Variants in TTLL8 observed in about 807,000 individuals in gnomAD.
The protein encoded by TTLL8 is protein monoglycylase TTLL8.
A neutral mutation model predicts 77.8 loss-of-function variants in TTLL8; 65 were observed. That is an observed-to-expected ratio of 0.84 (90% CI 0.68 to 1.03). TTLL8 has a LOEUF of 1.03. Among genes scored for constraint, TTLL8 ranks in the 50% least tolerant of loss-of-function variants. TTLL8 has a pLI of 0.00. For missense variants in TTLL8, 910 were observed against 1,004.5 expected, an observed-to-expected ratio of 0.91 and a Z score of 1.27; for synonymous variants, 402 against 422.8, an observed-to-expected ratio of 0.95 and a Z score of 0.60.
chr22:50,020,430 G>A (rs1192521766), intron 12 of TTLL8, among the ~76,000 whole-genome samples: 1 of 145,446 alleles, frequency 6.9e-6, no homozygotes, highest in Non-Finnish European at 1.5e-5. Context: ...CATCTGACGT[G>A]CACTACTCCA....
chr22:50,057,533 TGA>T (rs1569237198), upstream of TTLL8, among the ~76,000 whole-genome samples: 15 of 77,298 alleles, frequency 1.9e-4, 1 homozygote, highest in African/African-American at 5.0e-4. Context: ...AGGTCTGGGT[TGA>T]GCGGGAGGTC....
intron 6 of TTLL8, among the ~76,000 whole-genome samples, chr22:50,042,843 G>A (rs2061380242): frequency 6.6e-6 from 1 of 152,216 alleles, no homozygotes; most frequent in East Asian, 1.9e-4. Flanking sequence ...CACATCAGAC[G>A]CTGGCGAGGA....
chr22:50,030,408 C>A, intron 12 of TTLL8, 22 bp downstream of exon 13: 1 of 1,299,900 alleles, frequency 7.7e-7, no homozygotes, highest in Admixed American at 2.2e-5. Context: ...GCCCACAGCG[C>A]ACCGCCGGCG....
chr22:50,027,041 C>T (rs979627159), intron 12 of TTLL8, among the ~76,000 whole-genome samples: 2 of 151,886 alleles, frequency 1.3e-5, no homozygotes, highest in Non-Finnish European at 2.9e-5. Context: ...CGAGATTAGC[C>T]TGACCAATAT....
upstream of TTLL8, chr22:50,056,967 C>A (rs1334054365): frequency 1.6e-6 from 2 of 1,289,672 alleles, no homozygotes; most frequent in Admixed American, 4.6e-5. The surrounding 1 kb of genome is among the most constrained non-coding windows in gnomAD (Gnocchi z 4.1). Context: ...CTTTGCTCCT[C>A]TGACCCCTAG....
chr22:50,048,138 G>C (rs1273230845), intron 3 of TTLL8, among the ~76,000 whole-genome samples: 1 of 151,652 alleles, frequency 6.6e-6, no homozygotes, highest in African/African-American at 2.4e-5. Flanking sequence ...GTGTGTGTGT[G>C]TGTGTGTAAA....
rs142620839 is a variant in TTLL8 at position 50,032,187 on chromosome 22, C to T, written c.1284-78G>A. On this transcript the variant is annotated intron_variant, in intron 10 of 13. Coordinates refer to ENST00000266182, the Ensembl canonical transcript of TTLL8. ...CCCAAGGCCGGTCCTCCCAGCCGTG[C>T]TGAGCCCACCCAGCTGGCTCTAGAG... 2.6e-3 allele frequency: 3,324 copies of T among 1,272,300 alleles called. 51 individuals are homozygous for T. The highest frequency in any genetic ancestry group is 0.021 in the South Asian group (1,568 of 75,526). The allele number at this position is 1,272,300 out of a possible 1,614,324, so 78.8% of individuals were successfully genotyped here.
chr22:50,045,433 CTGGGG>C, intron 5 of TTLL8, 44 bp from the exon 8 acceptor site: 1 of 1,355,006 alleles, frequency 7.4e-7, no homozygotes, highest in African/African-American at 1.5e-5. Context: ...CGAGCCAGGA[CTGGGG>C]ACTGGAGATG....
chr22:50,052,550 T>C (rs925033552), intron 1 of TTLL8, among the ~76,000 whole-genome samples: 3 of 151,962 alleles, frequency 2.0e-5, no homozygotes, highest in Admixed American at 2.0e-4. Context: ...TATAGATAAA[T>C]ACACTAAATG....
At position 50,034,269 on chromosome 22, in the gene TTLL8, C is replaced by T; in HGVS notation, c.1039+76G>A. ...TCCCTGTGGTGCTGTGGGCCTGAAA[C>T]TGTCCCTCACTCACGGCTCCTGGCA... On this transcript the variant is annotated intron_variant, in intron 9 of 13. Coordinates refer to ENST00000266182, the Ensembl canonical transcript of TTLL8. This position sits in a 1 kb window ranked among gnomAD's most constrained non-coding sequence, Gnocchi z 4.1. The T allele has an allele frequency of 3.1e-6, 4 of 1,282,400 alleles. No individual in the cohort carries two copies. Among genetic ancestry groups the T allele is most frequent in the Non-Finnish European group, 4.1e-6 (4 of 980,848 alleles). The allele number at this position is 1,282,400 out of a possible 1,614,324, so 79.4% of individuals were successfully genotyped here.
At chr22:50,045,630 C>T (rs920769356) in intron 5 of TTLL8, among the ~76,000 whole-genome samples, 2 of 152,192 alleles carry the variant, frequency 1.3e-5, no homozygotes, top group South Asian at 2.1e-4. Context: ...CCCAGCTGCT[C>T]GCCGCGCTGT....
At chr22:50,021,615 T>C (rs1435871360) in intron 12 of TTLL8, among the ~76,000 whole-genome samples, 2 of 146,602 alleles carry the variant, frequency 1.4e-5, no homozygotes, top group African/African-American at 5.2e-5. Flanking sequence ...CGACGTGCAC[T>C]CCTCCATCTG....
chr22:50,045,119 G>T, intron 6 of TTLL8, 136 bp downstream of exon 8: 1 of 1,010,460 alleles, frequency 9.9e-7, no homozygotes, highest in Non-Finnish European at 1.3e-6. Context: ...TGAGAATCGA[G>T]AGAGTCTGAG....
chr22:50,033,703 G>C (rs1407362953), intron 9 of TTLL8, among the ~76,000 whole-genome samples: 1 of 152,258 alleles, frequency 6.6e-6, no homozygotes, highest in East Asian at 1.9e-4. Flanking sequence ...AGGGGACACA[G>C]AGATCAGTGA....
rs370413656 is a variant in TTLL8 at position 50,031,677 on chromosome 22, G to A, written c.1707+9C>T. The A allele has an allele frequency of 2.2e-5, 28 of 1,269,346 alleles. No individual in the cohort carries two copies. Among genetic ancestry groups the A allele is most frequent in the East Asian group, 1.1e-4 (2 of 18,962 alleles). 78.6% of individuals were successfully genotyped at this position (1,269,346 alleles called of 1,614,324 possible). On this transcript the variant is annotated intron_variant, in intron 11 of 13. Coordinates refer to ENST00000266182, the Ensembl canonical transcript of TTLL8. ...GCCACCAAAGTCCCCAGGGGCGGGC[G>A]TGGCTCACCTGCCTCCACAGGAGCT...
At chr22:50,040,283 C>T (rs1477109620) in intron 8 of TTLL8, among the ~76,000 whole-genome samples, 4 of 149,960 alleles carry the variant, frequency 2.7e-5, no homozygotes, top group Non-Finnish European at 4.4e-5. Flanking sequence ...CATGGACAGA[C>T]CTCATGGACC....
intron 8 of TTLL8, among the ~76,000 whole-genome samples, chr22:50,038,687 C>T (rs1354152751): frequency 1.3e-5 from 2 of 152,112 alleles, no homozygotes; most frequent in Non-Finnish European, 2.9e-5. Context: ...TGGCACGTGC[C>T]TGGAGTCCCA....
At position 50,041,744 on chromosome 22, in the gene TTLL8, T is replaced by C; in HGVS notation, c.707A>G (p.Lys236Arg). ...CTGCCCCAGGTAGGCCTGGCACACCTTGCACGCGATGTCCACAAGCTGCCC... is the reference window on the plus strand; with the variant it reads ...CTGCCCCAGGTAGGCCTGGCACACCCTGCACGCGATGTCCACAAGCTGCCC... The change falls in exon 7 of 14, where the codon AAG (lysine) becomes AGG (arginine). Residue 236 changes from lysine (K) to arginine (R), a missense_variant. Lys to Arg is a conservative substitution (Grantham distance 26). Transcript: ENST00000266182. This position sits in a 1 kb window ranked among gnomAD's most constrained non-coding sequence, Gnocchi z 4.3. 1.5e-6 allele frequency: 2 copies of C among 1,365,572 alleles called. No individual in the cohort carries two copies. Among genetic ancestry groups the C allele is most frequent in the Non-Finnish European group, 2.0e-6 (2 of 1,021,138 alleles). 84.6% of individuals were successfully genotyped at this position (1,365,572 alleles called of 1,614,324 possible).
At chr22:50,055,199 G>A (rs1012854152), upstream of TTLL8, 24 of 1,280,044 alleles carry the variant, frequency 1.9e-5, no homozygotes, top group Non-Finnish European at 2.4e-5. Flanking sequence ...TTAAAAAAGT[G>A]TCCCCCTCCC....
Sources: allele counts gnomAD v4.1 joint callset (sites outside exome capture counted in the v4.1 genomes callset), GRCh38; gene constraint gnomAD v4.1.1; non-coding constraint Gnocchi (gnomAD v3.1); transcripts MANE v1.5; gene names NCBI Gene and HGNC (gene_info 2026-07-23, HGNC 2026-07-21).